UQCC4: variants seen among roughly 807,000 people sequenced by gnomAD.
The protein encoded by UQCC4 is ubiquinol-cytochrome c reductase complex assembly factor 4.
the UQCC4 span, chr16:1,420,401 G>C: frequency 6.2e-7 from 1 of 1,614,136 alleles, no homozygotes; most frequent in Non-Finnish European, 8.5e-7. Context: ...AAGCAGCTGA[G>C]GGGCAGCACC....
the UQCC4 span, chr16:1,420,430 T>C: frequency 6.2e-7 from 1 of 1,614,260 alleles, no homozygotes; most frequent in Non-Finnish European, 8.5e-7. Flanking sequence ...GGGCCGCTGA[T>C]GTCCCTTTCC....
chr16:1,419,941 G>T, the UQCC4 span: 1 of 1,509,248 alleles, frequency 6.6e-7, no homozygotes, highest in Admixed American at 1.8e-5. Flanking sequence ...TTGGAAACAT[G>T]ATTATGTTAT....
chr16:1,420,405 C>T, the UQCC4 span: 1 of 1,614,272 alleles, frequency 6.2e-7, no homozygotes, highest in Non-Finnish European at 8.5e-7. Context: ...AGCTGAGGGG[C>T]AGCACCTTCC....
the UQCC4 span, chr16:1,419,866 A>G: frequency 2.2e-6 from 3 of 1,340,156 alleles, no homozygotes; most frequent in Middle Eastern, 2.1e-4. Flanking sequence ...TCTGCCAGAT[A>G]TTCTATCTCA....
the UQCC4 span, chr16:1,420,130 C>G: frequency 1.2e-6 from 2 of 1,613,556 alleles, no homozygotes; most frequent in Non-Finnish European, 1.7e-6. Flanking sequence ...CATCCACCAG[C>G]CAAGTCCTTC....
the UQCC4 span, chr16:1,420,623 G>A: frequency 8.3e-6 from 13 of 1,559,148 alleles, no homozygotes; most frequent in Non-Finnish European, 1.0e-5. Flanking sequence ...CTGGAAGAGA[G>A]AGAGCAGTAA....
chr16:1,420,389 G>A, the UQCC4 span: 4 of 1,614,256 alleles, frequency 2.5e-6, no homozygotes, highest in South Asian at 4.4e-5. Flanking sequence ...AGCGCCACGA[G>A]GAAGCAGCTG....
chr16:1,419,970 C>A, the UQCC4 span: 3 of 1,571,322 alleles, frequency 1.9e-6, no homozygotes, highest in Non-Finnish European at 2.6e-6. Context: ...TTGGCAAATC[C>A]AACAGCATAC....
At chr16:1,419,998 C>T in the UQCC4 span, 1 of 1,599,750 alleles carries the variant, frequency 6.3e-7, no homozygotes, top group Non-Finnish European at 8.5e-7. Context: ...CTGAAACCTT[C>T]CCCAAGGATC....
At chr16:1,420,716 C>A in the UQCC4 span, 3 of 1,540,862 alleles carry the variant, frequency 1.9e-6, no homozygotes, top group Non-Finnish European at 2.6e-6. Flanking sequence ...ACACAAGACA[C>A]GATTCATTGC....
At chr16:1,420,039 A>G in the UQCC4 span, 1 of 1,610,928 alleles carries the variant, frequency 6.2e-7, no homozygotes. Flanking sequence ...ATCCTTGGAC[A>G]TCAAGAGCCA....
At chr16:1,420,443 T>C in the UQCC4 span, 2 of 1,614,028 alleles carry the variant, frequency 1.2e-6, no homozygotes, top group Non-Finnish European at 1.7e-6. Flanking sequence ...CCCTTTCCCA[T>C]GGTATGGCCC....
chr16:1,420,055 G>A, the UQCC4 span: 2 of 1,612,424 alleles, frequency 1.2e-6, no homozygotes, highest in South Asian at 2.2e-5. Context: ...AGCCAGGCGA[G>A]GAGCAGTTTC....
At chr16:1,420,701 G>A in the UQCC4 span, 3 of 1,543,840 alleles carry the variant, frequency 1.9e-6, no homozygotes, top group East Asian at 2.4e-5. Context: ...CCCGGCCGCC[G>A]GGGCACACAA....
the UQCC4 span, chr16:1,420,471 G>A: frequency 3.1e-6 from 5 of 1,614,156 alleles, no homozygotes; most frequent in South Asian, 4.4e-5. Flanking sequence ...AGCGGTGAGG[G>A]TTGGCTTTGC....
At chr16:1,420,724 T>TGCTGCCTTGACTCCTC in the UQCC4 span, 25 of 1,539,296 alleles carry the variant, frequency 1.6e-5, no homozygotes, top group African/African-American at 1.8e-4. Context: ...CACGATTCAT[T>TGCTGCCTTGACTCCTC]GCTGCCTTGA....
chr16:1,420,253 C>A, the UQCC4 span: 1 of 1,613,576 alleles, frequency 6.2e-7, no homozygotes, highest in South Asian at 1.1e-5. Flanking sequence ...CCGTCAAGTT[C>A]TCGCTCTGTA....
At chr16:1,420,550 G>A in the UQCC4 span, 5 of 1,613,100 alleles carry the variant, frequency 3.1e-6, no homozygotes, top group Non-Finnish European at 4.2e-6. Context: ...CCGATCCCGG[G>A]AACCGGGCAA....
At chr16:1,420,426 C>G in the UQCC4 span, 5 of 1,614,138 alleles carry the variant, frequency 3.1e-6, no homozygotes, top group Admixed American at 1.7e-5. Flanking sequence ...ACCAGGGCCG[C>G]TGATGTCCCT....
Sources: allele counts gnomAD v4.1 joint callset, GRCh38; gene constraint gnomAD v4.1.1; transcripts MANE v1.5; gene names NCBI Gene and HGNC (gene_info 2026-07-23, HGNC 2026-07-21).